Variants in EVC2 observed in about 807,000 individuals in gnomAD.
The protein encoded by EVC2 is EvC ciliary complex subunit 2.
EVC2 carries 148 observed loss-of-function variants against 149.3 expected under a neutral mutation model. The observed-to-expected ratio is 0.99, with a 90% CI of 0.87 to 1.14. The LOEUF (loss-of-function observed/expected upper bound fraction) is 1.14. Among genes scored for constraint, EVC2 ranks in the 50% most tolerant of loss-of-function variants. EVC2 has a pLI of 0.00. For missense variants in EVC2, 1,854 were observed against 1,627.3 expected (o/e 1.14, Z -2.40); for synonymous variants, 776 against 649.9 (o/e 1.19, Z -2.95).
Position 5,565,397 on chromosome 4 carries a change from C to T in EVC2, c.3558-38G>A, listed in dbSNP as rs759213744. The T allele has an allele frequency of 9.7e-5, 154 of 1,589,020 alleles. 1 individual carries two copies. The South Asian group carries it at 9.8e-4, about 10-fold the overall frequency. ...AGGGAGTCTTATAGTTTCAAAAATA[C>T]GCCTGTAATCCCACTGTAATCCCAG... On this transcript the variant is annotated intron_variant, in intron 20 of 21. Transcript: ENST00000344408.
chr4:5,555,911 G>A (rs1420788959), intron 21 of EVC2, among the ~76,000 whole-genome samples: 3 of 152,092 alleles, frequency 2.0e-5, no homozygotes, highest in Non-Finnish European at 4.4e-5. Context: ...CGGGTGTGGT[G>A]GCTCATTCCT....
At chr4:5,623,351 T>A (rs139302637) in intron 13 of EVC2, among the ~76,000 whole-genome samples, 4,483 of 150,948 alleles carry the variant, frequency 0.03, 185 homozygotes, top group African/African-American at 0.092. Flanking sequence ...TTTTTTATTT[T>A]TTTTTTGAGA....
At chr4:5,530,372 T>C in the EVC2 span, among the ~76,000 whole-genome samples, 1 of 152,318 alleles carries the variant, frequency 6.6e-6, no homozygotes, top group East Asian at 1.9e-4. Flanking sequence ...CGTGTGTGGC[T>C]TTGTATAATG....
At position 5,643,793 on chromosome 4, in the gene EVC2, C is replaced by T. The variant is rs1329616210; in HGVS notation, c.1146-2955G>A. 3.9e-5 allele frequency among the ~76,000 whole-genome samples: 6 copies of T among 152,094 alleles called. No homozygotes were observed. The South Asian group carries it at 1.0e-3, about 26-fold the overall frequency. On this transcript the variant is annotated intron_variant, in intron 9 of 21. Transcript: ENST00000344408. ...AAAATTAGCCAGGTGTGGTGGCAGG[C>T]GCCTGTAACCCCAGCTACTCGGGTG... is the stretch of plus-strand genomic sequence containing the variant.
intron 7 of EVC2, among the ~76,000 whole-genome samples, chr4:5,669,211 A>G (rs568391858): frequency 9.2e-5 from 14 of 152,334 alleles, no homozygotes; most frequent in African/African-American, 3.4e-4. Flanking sequence ...CTGTGAGAAA[A>G]TTAAATTGTT....
chr4:5,706,936 C>G (rs938508716), intron 1 of EVC2, among the ~76,000 whole-genome samples: 2 of 152,178 alleles, frequency 1.3e-5, no homozygotes, highest in East Asian at 3.9e-4. Context: ...AGGCCCTTCC[C>G]AGTAGGCACC....
downstream of EVC2, among the ~76,000 whole-genome samples, chr4:5,562,221 A>T (rs1418191319): frequency 6.6e-6 from 1 of 152,158 alleles, no homozygotes; most frequent in African/African-American, 2.4e-5. The surrounding 1 kb of genome is among the most constrained non-coding windows in gnomAD (Gnocchi z 4.3). Context: ...AAATCACTTC[A>T]GTTTTCCATA....
intron 16 of EVC2, among the ~76,000 whole-genome samples, chr4:5,593,559 C>G (rs942654204): frequency 6.6e-6 from 1 of 152,174 alleles, no homozygotes; most frequent in African/African-American, 2.4e-5. Context: ...TATAAATGTG[C>G]ATTTGAAGAT....
rs992114744 is a variant in EVC2 at position 5,595,335 on chromosome 4, T to A, written c.2830-10485A>T. Among the ~76,000 whole-genome samples the A allele has an allele frequency of 3.0e-3, 449 of 152,166 alleles. 1 individual carries two copies. Among genetic ancestry groups the A allele is most frequent in the African/African-American group, 0.01 (420 of 41,502 alleles). On this transcript the variant is annotated intron_variant, in intron 16 of 21. Transcript: ENST00000344408. ...GCCAGAGAGAAAGGTCGGGTTACCC[T>A]CAAAGGGAAGCCCATCAGACTAACA...
In EVC2 at chr4:5,708,276, C is replaced by A. The variant is rs1478451043; in HGVS notation, c.228+10G>T. 2 of 1,477,384 alleles carry A rather than the reference C, an allele frequency of 1.4e-6. No homozygotes were observed. 91.5% of individuals were successfully genotyped at this position (1,477,384 alleles called of 1,614,324 possible). On this transcript the variant is annotated intron_variant, in intron 1 of 21. Transcript: ENST00000344408. ...AGTCAGACCGGAGCCTGGGGTCGGG[C>A]CCTCCTTACCTGCGTGCTGCTCTCG... is the stretch of plus-strand genomic sequence containing the variant.
chr4:5,649,019 T>A (rs1026149493), intron 9 of EVC2, among the ~76,000 whole-genome samples: 1 of 152,238 alleles, frequency 6.6e-6, no homozygotes, highest in African/African-American at 2.4e-5. Context: ...CATTGTGCCA[T>A]TTTTAATTAT....
intron 21 of EVC2, among the ~76,000 whole-genome samples, chr4:5,549,730 A>T (rs1721696994): frequency 6.6e-6 from 1 of 152,174 alleles, no homozygotes; most frequent in Non-Finnish European, 1.5e-5. Context: ...CAAAGTTTAG[A>T]AGTAAATAAC....
intron 21 of EVC2, among the ~76,000 whole-genome samples, chr4:5,548,463 C>T (rs1057206212): frequency 6.6e-6 from 1 of 150,852 alleles, no homozygotes; most frequent in Non-Finnish European, 1.5e-5. Flanking sequence ...CCCACCTTGC[C>T]TACTTCTAAG....
At chr4:5,707,314 A>C (rs1722270685) in intron 1 of EVC2, among the ~76,000 whole-genome samples, 1 of 152,098 alleles carries the variant, frequency 6.6e-6, no homozygotes, top group South Asian at 2.1e-4. Flanking sequence ...CTTTTAAGAG[A>C]CTAAACCTCT....
intron 15 of EVC2, among the ~76,000 whole-genome samples, chr4:5,615,991 C>T (rs375160821): frequency 1.3e-5 from 2 of 152,214 alleles, no homozygotes; most frequent in Non-Finnish European, 2.9e-5. Flanking sequence ...AGCAGAGCCA[C>T]GTTGGCGGAC....
chr4:5,557,347 T>C (rs1721856614), intron 21 of EVC2, among the ~76,000 whole-genome samples: 1 of 152,136 alleles, frequency 6.6e-6, no homozygotes, highest in African/African-American at 2.4e-5. Flanking sequence ...GAAATGTATT[T>C]GATGGAATTC....
At chr4:5,635,293 T>A (rs937114565) in intron 10 of EVC2, among the ~76,000 whole-genome samples, 3 of 152,106 alleles carry the variant, frequency 2.0e-5, no homozygotes, top group African/African-American at 7.2e-5. Context: ...TGTCTCGGCA[T>A]CCCAAAGTGT....
chr4:5,670,466 T>G lies in EVC2; in HGVS notation c.871-4817A>C, dbSNP rs925157586. 5.3e-5 allele frequency among the ~76,000 whole-genome samples: 8 copies of G among 150,808 alleles called. No individual in the cohort carries two copies. In the South Asian group the frequency reaches 1.7e-3, roughly 32 times the overall value. On this transcript the variant is annotated intron_variant, in intron 7 of 21. Coordinates refer to ENST00000344408, the MANE Select transcript of EVC2 (RefSeq NM_147127.5). The surrounding 1 kb of genome is among the most constrained non-coding windows in gnomAD (Gnocchi z 5.2). ...AATATCAGCAGGATCACCATCAAAT[T>G]CATCATCACCATCCCCACCATCACC...
chr4:5,650,604 CATATATATATAT>C (rs66673359), intron 9 of EVC2, among the ~76,000 whole-genome samples: 2,606 of 52,980 alleles, frequency 0.049, 87 homozygotes, highest in East Asian at 0.068. Flanking sequence ...TTTTAATCGC[CATATATATATAT>C]ATATATATAT....
Sources: gnomAD v4.1 joint callset for allele counts (sites outside exome capture counted in the v4.1 genomes callset) on GRCh38, gnomAD v4.1.1 for gene constraint, Gnocchi (gnomAD v3.1) non-coding constraint, MANE v1.5 for transcripts, NCBI Gene and HGNC (gene_info 2026-07-23, HGNC 2026-07-21) for gene names.